The following ANO10 variants were observed in gnomAD, a reference collection of about 807,000 sequenced individuals.
The protein encoded by ANO10 is anoctamin 10, also known as anoctamin-10.
In ANO10, 77 loss-of-function variants were observed where a neutral mutation model predicts 74.7. The ratio of observed to expected loss-of-function variants is 1.03; its 90% CI spans 0.86 to 1.25. The LOEUF is 1.25. ANO10 is among the 50% of genes most tolerant of loss of function. The probability of loss-of-function intolerance (pLI) is 0.00; values close to 1 mark genes in which losing one functional copy is unlikely to be tolerated. For synonymous variants in ANO10, 279 were observed against 284.9 expected (o/e 0.98, Z 0.21); for missense variants, 721 against 778.1 (o/e 0.93, Z 0.87).
chr3:43,447,092 T>A (rs904676943), intron 11 of ANO10, among the ~76,000 whole-genome samples: 3 of 152,220 alleles, frequency 2.0e-5, no homozygotes, highest in Non-Finnish European at 4.4e-5. Flanking sequence ...ACAGCACCCA[T>A]ACTTTATCGA....
chr3:43,376,150 G>A (rs1026673765), intron 12 of ANO10, among the ~76,000 whole-genome samples: 1 of 152,090 alleles, frequency 6.6e-6, no homozygotes, highest in African/African-American at 2.4e-5. Context: ...GATCCGCAAG[G>A]GACTGCAGTT....
At chr3:43,486,516 C>A (rs1033820316) in intron 11 of ANO10, among the ~76,000 whole-genome samples, 1 of 150,172 alleles carries the variant, frequency 6.7e-6, no homozygotes, top group South Asian at 2.2e-4. Context: ...TTGAAGAAGT[C>A]CTTCACATCC....
intron 12 of ANO10, among the ~76,000 whole-genome samples, chr3:43,408,982 A>C (rs541780713): frequency 1.8e-4 from 27 of 152,236 alleles, no homozygotes; most frequent in African/African-American, 6.5e-4. Context: ...CAGTGGGTCA[A>C]GATCATGCCA....
chr3:43,449,084 C>T (rs1055749328), intron 11 of ANO10, among the ~76,000 whole-genome samples: 4 of 151,966 alleles, frequency 2.6e-5, no homozygotes, highest in Non-Finnish European at 5.9e-5. Context: ...ACCGTGTTAG[C>T]CAGGATGGTC....
At chr3:43,487,084 C>T (rs1302810551) in intron 11 of ANO10, among the ~76,000 whole-genome samples, 1 of 132,760 alleles carries the variant, frequency 7.5e-6, no homozygotes, top group African/African-American at 2.8e-5. Flanking sequence ...GTCTTTGGCT[C>T]TGTTTATATG....
chr3:43,669,486 T>C (rs768674452), intron 1 of ANO10, among the ~76,000 whole-genome samples: 3 of 152,310 alleles, frequency 2.0e-5, no homozygotes, highest in African/African-American at 7.2e-5. Flanking sequence ...CTCTGATTCC[T>C]GCAGAGGTTT....
intron 1 of ANO10, among the ~76,000 whole-genome samples, chr3:43,621,240 G>A (rs547282377): frequency 6.6e-6 from 1 of 152,316 alleles, no homozygotes; most frequent in African/African-American, 2.4e-5. Context: ...CACAAAATCA[G>A]ACGCTGCCTA....
At position 43,432,504 on chromosome 3, in the gene ANO10, A is replaced by G; in HGVS notation, c.1914+107T>C. 3 of 988,814 alleles carry G rather than the reference A, an allele frequency of 3.0e-6. No homozygotes were observed. In the South Asian group the frequency reaches 3.9e-5, roughly 13 times the overall value. The allele number at this position is 988,814 out of a possible 1,614,324, so 61.3% of individuals were successfully genotyped here. ...AACTGGAGTCCTCTGTATTCATTTA[A>G]ACTGGTAACTTCAAGGCTGAAAAAA... On this transcript the variant is annotated intron_variant, in intron 12 of 12. Transcript: ENST00000292246.
chr3:43,609,299 T>C (rs2082704769), intron 1 of ANO10, among the ~76,000 whole-genome samples: 1 of 152,198 alleles, frequency 6.6e-6, no homozygotes, highest in African/African-American at 2.4e-5. Flanking sequence ...ACCATACAAC[T>C]CTGTTGAAGA....
chr3:43,402,095 C>T (rs2092492165), intron 12 of ANO10, among the ~76,000 whole-genome samples: 4 of 152,224 alleles, frequency 2.6e-5, no homozygotes, highest in Admixed American at 2.6e-4. Flanking sequence ...AACAGCTGGC[C>T]TCTGGCATGC....
At chr3:43,658,439 C>T (rs2083882207) in intron 1 of ANO10, among the ~76,000 whole-genome samples, 1 of 151,810 alleles carries the variant, frequency 6.6e-6, no homozygotes, top group African/African-American at 2.4e-5. Context: ...GTGAAAGAAG[C>T]CAGACACCAA....
At chr3:43,407,875 G>GCTTT (rs1354929486) in intron 12 of ANO10, among the ~76,000 whole-genome samples, 1 of 152,184 alleles carries the variant, frequency 6.6e-6, no homozygotes, top group African/African-American at 2.4e-5. Flanking sequence ...CCCACGTGGG[G>GCTTT]CTTTGCAGGG....
chr3:43,508,983 G>GA, intron 11 of ANO10, among the ~76,000 whole-genome samples: 2 of 142,888 alleles, frequency 1.4e-5, no homozygotes, highest in South Asian at 2.3e-4. Flanking sequence ...AATCTACAAA[G>GA]AAAAAAAGAA....
intron 10 of ANO10, among the ~76,000 whole-genome samples, chr3:43,554,727 C>T (rs1248273938): frequency 6.6e-6 from 1 of 152,116 alleles, no homozygotes; most frequent in African/African-American, 2.4e-5. Flanking sequence ...CTCTGCTTCC[C>T]ACTAGACCTC....
intron 11 of ANO10, among the ~76,000 whole-genome samples, chr3:43,489,791 CTT>C (rs1299305278): frequency 6.6e-6 from 1 of 151,932 alleles, no homozygotes; most frequent in Non-Finnish European, 1.5e-5. Flanking sequence ...AAAACAGTCT[CTT>C]TGCCTGGTGA....
chr3:43,577,240 C>G lies in ANO10; in HGVS notation c.614G>C (p.Gly205Ala). ...QPIDSIRGYF[G>A]ETIALYFGFL... is the part of the protein sequence containing the mutation. Reference sequence around the variant, plus strand: ...TCCAAAGTACAGAGCAATTGTTTCCCCAAAGTAGCCACGAATACTGTCTAT... The same window carrying G: ...TCCAAAGTACAGAGCAATTGTTTCCGCAAAGTAGCCACGAATACTGTCTAT... Residue 205 changes from glycine to alanine, a missense_variant, in exon 6 of 13, where the codon GGG (glycine) becomes GCG (alanine). Gly to Ala is a moderately conservative substitution (Grantham distance 60). Coordinates refer to ENST00000292246, the MANE Select transcript of ANO10 (RefSeq NM_018075.5). 6.2e-7 allele frequency: 1 copy of G among 1,613,978 alleles called. No homozygotes were observed. Among genetic ancestry groups the G allele is most frequent in the Non-Finnish European group, 8.5e-7 (1 of 1,179,990 alleles).
At chr3:43,377,456 A>C (rs1331375255) in intron 12 of ANO10, among the ~76,000 whole-genome samples, 2 of 152,124 alleles carry the variant, frequency 1.3e-5, no homozygotes, top group Admixed American at 6.5e-5. Flanking sequence ...GTCCTTCAGG[A>C]ATAACTACTT....
chr3:43,638,033 A>C (rs2083632035), intron 1 of ANO10, among the ~76,000 whole-genome samples: 1 of 152,238 alleles, frequency 6.6e-6, no homozygotes, highest in South Asian at 2.1e-4. Flanking sequence ...AAGCAGATTA[A>C]ATTGAGATAC....
At chr3:43,446,762 AT>A (rs1261478335) in intron 11 of ANO10, among the ~76,000 whole-genome samples, 1 of 152,204 alleles carries the variant, frequency 6.6e-6, no homozygotes, top group Admixed American at 6.5e-5. Flanking sequence ...GATAAAAATA[AT>A]TTTTAAGGTT....
Sources: gnomAD v4.1 joint callset for allele counts (sites outside exome capture counted in the v4.1 genomes callset) on GRCh38, gnomAD v4.1.1 for gene constraint, MANE v1.5 for transcripts, NCBI Gene and HGNC (gene_info 2026-07-23, HGNC 2026-07-21) for gene names.